LASP1: variants seen among roughly 807,000 people sequenced by gnomAD.
LASP1 encodes LIM and SH3 domain protein 1.
In LASP1, 10 loss-of-function variants were observed where a neutral mutation model predicts 38.6. The ratio of observed to expected loss-of-function variants is 0.26; its 90% CI spans 0.16 to 0.44. The LOEUF is 0.44. Among genes scored for constraint, LASP1 ranks in the 20% least tolerant of loss-of-function variants. LASP1 has a pLI of 1.00. For missense variants in LASP1, 243 were observed against 375.7 expected, an observed-to-expected ratio of 0.65 and a Z score of 2.92; for synonymous variants, 132 against 140.8, an observed-to-expected ratio of 0.94 and a Z score of 0.44.
Position 38,913,669 on chromosome 17 carries a change from C to T in LASP1, c.358-656C>T, listed in dbSNP as rs565158336. Among the ~76,000 whole-genome samples the T allele has an allele frequency of 3.2e-4, 49 of 152,068 alleles. 1 individual carries two copies. In the South Asian group the frequency reaches 6.4e-3, roughly 20 times the overall value. On this transcript the variant is annotated intron_variant, in intron 4 of 6. Transcript: ENST00000318008. The stretch of plus-strand genomic sequence containing the variant: ...CTGCTGTGGTTACTGTGGACCCAGG[C>T]GGAAACAGAGCAGCCCCGCCCCTGC...
chr17:38,876,553 G>A (rs1465871843), intron 1 of LASP1, among the ~76,000 whole-genome samples: 4 of 151,564 alleles, frequency 2.6e-5, no homozygotes, highest in African/African-American at 4.9e-5. Context: ...TAGTAGATAC[G>A]GGGTTTCACC....
rs1268876061 is a variant in LASP1, at chr17:38,890,131, A to C, written c.165-289A>C. 1.1e-5 allele frequency: 4 copies of C among 375,492 alleles called. No individual in the cohort carries two copies. The East Asian group carries it at 1.9e-4, about 18-fold the overall frequency. The allele number at this position is 375,492 out of a possible 1,614,324, so 23.3% of individuals were successfully genotyped here. A position where few individuals can be genotyped will look rare whatever the true frequency, so the allele number is the denominator to read the frequency against. The stretch of plus-strand genomic sequence containing the variant: ...TATCCCCAAACAAGGGTAACCTTCA[A>C]CCCTCAGAGAGTGGCCCAGTGGCCA... On this transcript the variant is annotated intron_variant, in intron 2 of 6. Coordinates refer to ENST00000318008, the MANE Select transcript of LASP1 (RefSeq NM_006148.4).
chr17:38,879,508 A>G (rs1598105030), intron 2 of LASP1, among the ~76,000 whole-genome samples: 1 of 146,064 alleles, frequency 6.8e-6, no homozygotes, highest in African/African-American at 2.5e-5. Flanking sequence ...ACTTCAACCA[A>G]CTCAAGTAAT....
intron 1 of LASP1, among the ~76,000 whole-genome samples, chr17:38,874,597 G>A (rs543294588): frequency 7.8e-4 from 118 of 152,240 alleles, no homozygotes; most frequent in African/African-American, 2.7e-3. Flanking sequence ...GGGGTGGAAC[G>A]GCCTCCTCTC....
At position 38,918,667 on chromosome 17, in the gene LASP1, CG is replaced by C; in HGVS notation, c.679del (p.Asp227ThrfsTer67). The C allele has an allele frequency of 6.2e-7, 1 of 1,613,680 alleles. No individual in the cohort carries two copies. Among genetic ancestry groups the C allele is most frequent in the Non-Finnish European group, 8.5e-7 (1 of 1,179,738 alleles). On this transcript the variant is annotated frameshift_variant, in exon 7 of 7. Transcript: ENST00000318008. LOFTEE classifies it high-confidence loss of function. This position sits in a 1 kb window ranked among gnomAD's most constrained non-coding sequence, Gnocchi z 4.4. ...ACGAGGACGAGGTCTCCTTCCAGGA[CG>C]GGGACACCATCGTCAACGTGCAGCA... ...ADEDEVSFQD[G>X]DTIVNVQQID...
chr17:38,915,003 G>A (rs1915076502), intron 5 of LASP1, 40 bp from the exon 6 acceptor site: 1 of 1,598,104 alleles, frequency 6.3e-7, no homozygotes, highest in South Asian at 1.1e-5. Context: ...GCTGGGTTTG[G>A]CAGGACAGTT....
intron 2 of LASP1, among the ~76,000 whole-genome samples, chr17:38,889,648 G>A (rs1914248455): frequency 6.6e-6 from 1 of 152,284 alleles, no homozygotes; most frequent in South Asian, 2.1e-4. Context: ...CAGGCCATGT[G>A]TATGAGGTAT....
chr17:38,893,434 A>C (rs765960219), intron 3 of LASP1, among the ~76,000 whole-genome samples: 1 of 152,176 alleles, frequency 6.6e-6, no homozygotes, highest in East Asian at 1.9e-4. Context: ...AGATGGGTCC[A>C]TGGGCAGGAG....
intron 3 of LASP1, chr17:38,897,125 C>T (rs1914511335): frequency 1.0e-6 from 1 of 960,644 alleles, no homozygotes; most frequent in Non-Finnish European, 1.2e-6. Context: ...GCATTCACTT[C>T]TGAACTAATG....
At chr17:38,888,076 C>T (rs556292088) in intron 2 of LASP1, among the ~76,000 whole-genome samples, 16 of 152,240 alleles carry the variant, frequency 1.1e-4, no homozygotes, top group African/African-American at 2.6e-4. Context: ...TGACGGGCTC[C>T]GGCTTGGAGA....
At chr17:38,896,612 C>G (rs1914498769) in intron 3 of LASP1, among the ~76,000 whole-genome samples, 1 of 152,252 alleles carries the variant, frequency 6.6e-6, no homozygotes, top group Non-Finnish European at 1.5e-5. Context: ...GGGACTGGCA[C>G]TCGTTCAGCA....
At chr17:38,905,921 A>G (rs533008640) in intron 4 of LASP1, among the ~76,000 whole-genome samples, 1 of 152,248 alleles carries the variant, frequency 6.6e-6, no homozygotes, top group East Asian at 1.9e-4. Context: ...TTAGCCGTGC[A>G]TGGTGGCATC....
At chr17:38,911,532 G>A (rs550596735) in intron 4 of LASP1, among the ~76,000 whole-genome samples, 2 of 152,312 alleles carry the variant, frequency 1.3e-5, no homozygotes, top group East Asian at 3.9e-4. Context: ...TCCTTCCCTT[G>A]TCTTCCCCCA....
intron 2 of LASP1, among the ~76,000 whole-genome samples, chr17:38,881,914 A>C: frequency 6.6e-6 from 1 of 152,222 alleles, no homozygotes; most frequent in Non-Finnish European, 1.5e-5. Flanking sequence ...AGTGACTGTA[A>C]AGTAGGCAGT....
intron 4 of LASP1, among the ~76,000 whole-genome samples, chr17:38,905,672 G>A (rs1019315986): frequency 6.6e-6 from 1 of 152,040 alleles, no homozygotes; most frequent in Non-Finnish European, 1.5e-5. Context: ...GTTCACTTTA[G>A]CATTTTGATC....
chr17:38,883,739 CT>C (rs60761350), intron 2 of LASP1, among the ~76,000 whole-genome samples: 51,682 of 127,868 alleles, frequency 0.4, 8,624 homozygotes, highest in Middle Eastern at 0.65. Flanking sequence ...CAGGGGCAGG[CT>C]TTTTTTTTTT....
At position 38,920,376 on chromosome 17, in the gene LASP1, C is replaced by T. The variant is rs1408005019; in HGVS notation, c.*1598C>T. The stretch of plus-strand genomic sequence containing the variant: ...GGCTGCAAAACTGGAAGCACAGCCT[C>T]GGGGATGGGGAGGGAAAGACGGTGC... On this transcript the variant is annotated 3_prime_UTR_variant, in exon 7 of 7. Transcript: ENST00000318008. 1 of 339,942 alleles carries T rather than the reference C, an allele frequency of 2.9e-6. No individual in the cohort carries two copies. The highest frequency in any genetic ancestry group is 5.7e-6 in the Non-Finnish European group (1 of 175,554). 21.1% of individuals were successfully genotyped at this position (339,942 alleles called of 1,614,324 possible).
At chr17:38,872,114 G>A (rs1259530857) in intron 1 of LASP1, among the ~76,000 whole-genome samples, 3 of 152,116 alleles carry the variant, frequency 2.0e-5, no homozygotes, top group African/African-American at 4.8e-5. Flanking sequence ...CCTTGTTCCA[G>A]GTCTGCTCCC....
chr17:38,886,014 C>T (rs529161336), intron 2 of LASP1, among the ~76,000 whole-genome samples: 3 of 152,238 alleles, frequency 2.0e-5, no homozygotes, highest in Admixed American at 6.5e-5. Flanking sequence ...CCTGACTTTG[C>T]CCTCATGGGC....
Sources: allele counts gnomAD v4.1 joint callset (sites outside exome capture counted in the v4.1 genomes callset), GRCh38; gene constraint gnomAD v4.1.1; non-coding constraint Gnocchi (gnomAD v3.1); transcripts MANE v1.5; gene names NCBI Gene and HGNC (gene_info 2026-07-23, HGNC 2026-07-21).